The following SCARA5 variants were observed in gnomAD, a reference collection of about 807,000 sequenced individuals.
The protein encoded by SCARA5 is scavenger receptor class A, member 5 (putative).
Under a neutral mutation model 46.3 loss-of-function variants are expected in SCARA5, and 45 were observed. The ratio of observed to expected loss-of-function variants is 0.97; its 90% confidence interval spans 0.76 to 1.24. SCARA5 has a LOEUF of 1.24. Ranked by LOEUF, SCARA5 falls within the 50% of genes most tolerant of loss-of-function variation. The pLI is 0.00. For missense variants in SCARA5, 680 were observed against 689.0 expected (o/e 0.99, Z 0.15); for synonymous variants, 333 against 306.5 (o/e 1.09, Z -0.90).
At chr8:27,952,745 T>C (rs894725317) in intron 3 of SCARA5, among the ~76,000 whole-genome samples, 1 of 152,208 alleles carries the variant, frequency 6.6e-6, no homozygotes, top group Non-Finnish European at 1.5e-5. Flanking sequence ...GTATGGACAA[T>C]GGACTGTGTG....
chr8:27,922,513 C>T (rs116197272), intron 3 of SCARA5, among the ~76,000 whole-genome samples: 2,480 of 152,250 alleles, frequency 0.016, 70 homozygotes, highest in African/African-American at 0.057. Flanking sequence ...GTTACCTGGG[C>T]TTTGGAATTT....
intron 3 of SCARA5, among the ~76,000 whole-genome samples, chr8:27,936,581 T>C (rs1807860545): frequency 4.7e-5 from 1 of 21,458 alleles, no homozygotes; most frequent in Non-Finnish European, 1.0e-4. Context: ...AGAGAAAGAC[T>C]GTGTCTCCAT....
In SCARA5 at chr8:27,922,112, C is replaced by T; in HGVS notation, c.375G>A (p.Val125=). ...APLQADLTEQ[V]WKVQDALQNQ... is the part of the protein sequence containing the mutation. The stretch of plus-strand genomic sequence containing the variant: ...TCTGCAGCGCGTCCTGCACCTTCCA[C>T]ACCTGCTCCGTCAGGTCCGCTTGCA... The change falls in exon 4 of 9, where the codon GTG becomes GTA. Residue 125 remains valine, a synonymous_variant. Coordinates refer to ENST00000354914, the MANE Select transcript of SCARA5 (RefSeq NM_173833.6). The T allele has an allele frequency of 6.2e-7, 1 of 1,605,666 alleles. No homozygotes were observed. Among genetic ancestry groups the T allele is most frequent in the Non-Finnish European group, 8.5e-7 (1 of 1,176,902 alleles).
chr8:27,955,722 CA>C (rs1808197479), intron 3 of SCARA5, among the ~76,000 whole-genome samples: 1 of 152,204 alleles, frequency 6.6e-6, no homozygotes, highest in South Asian at 2.1e-4. Flanking sequence ...GTGCTTCCAC[CA>C]AGTATTTGGT....
intron 8 of SCARA5, 107 bp downstream of exon 8, chr8:27,879,461 TG>T: frequency 9.2e-7 from 1 of 1,083,618 alleles, no homozygotes; most frequent in Non-Finnish European, 1.4e-6. Flanking sequence ...GGGGAGAGGC[TG>T]GGGACCTCGC....
chr8:27,966,653 C>T, intron 2 of SCARA5, 111 bp from the exon 3 acceptor site: 1 of 1,164,612 alleles, frequency 8.6e-7, no homozygotes, highest in Non-Finnish European at 1.2e-6. Context: ...TCATGTTGAA[C>T]TTCTCACATC....
At chr8:27,954,684 C>A (rs1353688832) in intron 3 of SCARA5, among the ~76,000 whole-genome samples, 1 of 152,162 alleles carries the variant, frequency 6.6e-6, no homozygotes, top group Non-Finnish European at 1.5e-5. Context: ...TTTCTTTGTA[C>A]TCATTTCCTG....
intron 7 of SCARA5, among the ~76,000 whole-genome samples, chr8:27,885,071 G>C (rs1211081661): frequency 6.6e-6 from 1 of 151,784 alleles, no homozygotes; most frequent in Admixed American, 6.6e-5. Flanking sequence ...CACCATCTTG[G>C]CCGAGTGGAC....
intron 2 of SCARA5, among the ~76,000 whole-genome samples, chr8:27,973,001 A>G (rs1160095362): frequency 1.3e-5 from 2 of 152,196 alleles, no homozygotes; most frequent in East Asian, 3.8e-4. Context: ...CGACCCCACT[A>G]GTCTCTAAGG....
chr8:27,948,246 C>T (rs1585507463), intron 3 of SCARA5, among the ~76,000 whole-genome samples: 1 of 152,246 alleles, frequency 6.6e-6, no homozygotes, highest in Admixed American at 6.5e-5. Context: ...CAGGCCTCCT[C>T]CCCAGGGTGA....
intron 2 of SCARA5, among the ~76,000 whole-genome samples, chr8:27,979,093 A>G (rs895703580): frequency 1.3e-5 from 2 of 152,158 alleles, no homozygotes; most frequent in Non-Finnish European, 2.9e-5. Flanking sequence ...CCCTATGCCA[A>G]TGGGGCTGAT....
At chr8:27,925,516 C>T (rs1372601884) in intron 3 of SCARA5, among the ~76,000 whole-genome samples, 18 of 152,114 alleles carry the variant, frequency 1.2e-4, no homozygotes, top group Admixed American at 1.2e-3. Context: ...TAAATGTTAC[C>T]TAAAACCATA....
At chr8:27,939,667 C>A (rs1807912086) in intron 3 of SCARA5, among the ~76,000 whole-genome samples, 1 of 152,178 alleles carries the variant, frequency 6.6e-6, no homozygotes, top group Non-Finnish European at 1.5e-5. Flanking sequence ...ATGGCCCATC[C>A]ACCTAACTGG....
intron 2 of SCARA5, among the ~76,000 whole-genome samples, chr8:27,985,252 G>C (rs1279325280): frequency 6.6e-6 from 1 of 152,158 alleles, no homozygotes; most frequent in Non-Finnish European, 1.5e-5. Flanking sequence ...GGTGGGAGCT[G>C]AGCTAAGTCC....
intron 7 of SCARA5, among the ~76,000 whole-genome samples, chr8:27,887,263 A>T (rs1284503514): frequency 6.6e-6 from 1 of 152,070 alleles, no homozygotes; most frequent in Non-Finnish European, 1.5e-5. Flanking sequence ...AGGATCAGCA[A>T]CCCGGAAGAA....
chr8:27,944,528 T>C (rs771973702), intron 3 of SCARA5, among the ~76,000 whole-genome samples: 3 of 152,156 alleles, frequency 2.0e-5, no homozygotes, highest in Non-Finnish European at 4.4e-5. Flanking sequence ...GCACTCTTTA[T>C]AGCTTCCAAC....
chr8:27,893,368 C>T (rs1807016483), intron 7 of SCARA5, among the ~76,000 whole-genome samples: 1 of 152,228 alleles, frequency 6.6e-6, no homozygotes, highest in Non-Finnish European at 1.5e-5. Context: ...TGCGACCACG[C>T]TTGAGCTCCT....
At chr8:27,967,782 G>A (rs1448812278) in intron 2 of SCARA5, among the ~76,000 whole-genome samples, 7 of 152,032 alleles carry the variant, frequency 4.6e-5, no homozygotes, top group Admixed American at 6.5e-5. Flanking sequence ...GCGTGGTGTC[G>A]CGTGCTTGTA....
At chr8:27,883,342 C>G (rs997956838) in intron 7 of SCARA5, among the ~76,000 whole-genome samples, 1 of 152,198 alleles carries the variant, frequency 6.6e-6, no homozygotes, top group Non-Finnish European at 1.5e-5. Flanking sequence ...AGTGCCAGAG[C>G]TGGGATCACA....
Sources: allele counts gnomAD v4.1 joint callset (sites outside exome capture counted in the v4.1 genomes callset), GRCh38; gene constraint gnomAD v4.1.1; transcripts MANE v1.5; gene names NCBI Gene and HGNC (gene_info 2026-07-23, HGNC 2026-07-21).